The following LMBR1 variants were observed in gnomAD, a reference collection of about 807,000 sequenced individuals.
The protein encoded by LMBR1 is limb region 1 protein homolog.
LMBR1 carries 52 observed loss-of-function variants against 73.9 expected under a neutral mutation model. That is an observed-to-expected ratio of 0.70 (90% CI 0.56 to 0.89). LMBR1 has a LOEUF of 0.89. Ranked by LOEUF, LMBR1 falls within the 40% of genes least tolerant of loss-of-function variation. The probability of loss-of-function intolerance (pLI) is 0.00; values close to 1 mark genes in which losing one functional copy is unlikely to be tolerated. For synonymous variants in LMBR1, 215 were observed against 209.4 expected, an observed-to-expected ratio of 1.03 and a Z score of -0.23; for missense variants, 539 against 579.8, an observed-to-expected ratio of 0.93 and a Z score of 0.72.
At chr7:156,756,353 G>C in intron 9 of LMBR1, 40 bp downstream of exon 9, 1 of 972,130 alleles carries the variant, frequency 1.0e-6, no homozygotes, top group Non-Finnish European at 1.6e-6. Flanking sequence ...AAATTAAAAA[G>C]ATTTTTTTAT....
chr7:156,776,050 T>C (rs978175503), intron 5 of LMBR1, among the ~76,000 whole-genome samples: 15 of 148,918 alleles, frequency 1.0e-4, no homozygotes, highest in Non-Finnish European at 2.2e-4. Context: ...TATATATATA[T>C]GAGTTATATA....
At chr7:156,738,927 T>A (rs1818389212) in intron 9 of LMBR1, among the ~76,000 whole-genome samples, 2 of 152,130 alleles carry the variant, frequency 1.3e-5, no homozygotes, top group Admixed American at 1.3e-4. Flanking sequence ...AAAGACTCCT[T>A]CTGCTTGAGA....
At chr7:156,746,043 A>G (rs1392727842) in intron 9 of LMBR1, among the ~76,000 whole-genome samples, 1 of 152,242 alleles carries the variant, frequency 6.6e-6, no homozygotes, top group East Asian at 1.9e-4. Context: ...ATTAAGTTAC[A>G]TAACGAATGA....
rs189033027 is a variant in LMBR1 at position 156,685,345 on chromosome 7, C to T, written c.1388-1182G>A. On this transcript the variant is annotated intron_variant, in intron 16 of 16. Transcript: ENST00000353442. This position sits in a 1 kb window ranked among gnomAD's most constrained non-coding sequence, Gnocchi z 4.1. ...TGAAACACAATGACATACAGCAACA[C>T]AGTCAGGTGTTGCCGAACAACAGGA... 4.3e-4 allele frequency among the ~76,000 whole-genome samples: 66 copies of T among 152,334 alleles called. No individual in the cohort carries two copies. Among genetic ancestry groups the T allele is most frequent in the African/African-American group, 1.6e-3 (65 of 41,564 alleles).
intron 4 of LMBR1, among the ~76,000 whole-genome samples, chr7:156,807,406 T>C (rs539295376): frequency 6.6e-6 from 1 of 151,114 alleles, no homozygotes; most frequent in South Asian, 2.1e-4. Flanking sequence ...TTGAGAAGGC[T>C]TTAATAGTTT....
At chr7:156,672,253 C>T (rs750496963) in intron 4 of LMBR1, among the ~76,000 whole-genome samples, 9 of 152,236 alleles carry the variant, frequency 5.9e-5, no homozygotes, top group African/African-American at 1.4e-4. Context: ...ATGGTCGGTG[C>T]GTGTACTGAG....
chr7:156,784,619 C>T (rs867494556), intron 5 of LMBR1, among the ~76,000 whole-genome samples: 14 of 152,252 alleles, frequency 9.2e-5, no homozygotes, highest in Non-Finnish European at 1.6e-4. Context: ...ACTTGAGGAG[C>T]GCAGACAATC....
In LMBR1 at chr7:156,763,753, G is replaced by T. The variant is rs1180731210; in HGVS notation, c.466C>A (p.Leu156Ile). 1.2e-6 allele frequency: 2 copies of T among 1,604,624 alleles called. No homozygotes were observed. Among genetic ancestry groups the T allele is most frequent in the African/African-American group, 2.7e-5 (2 of 74,368 alleles). ...RILETLVMLL[L>I]LALLILGIVW... is the part of the protein sequence containing the mutation. ...ATCCCAAGAATGAGTAACGCAAGAA[G>T]AAGAAGCATGACCAAAGTCTCTAAA... The change falls in exon 6 of 17, where the codon CTT becomes ATT. Residue 156 changes from leucine (L) to isoleucine (I), a missense_variant. Leu to Ile is a conservative substitution (Grantham distance 5). This residue lies in a region of LMBR1 where 454 missense variants were observed against 473.4 expected (regional missense o/e 0.96). Coordinates refer to ENST00000353442, the MANE Select transcript of LMBR1 (RefSeq NM_022458.4).
chr7:156,798,618 T>C (rs1401814231), intron 4 of LMBR1, among the ~76,000 whole-genome samples: 1 of 152,182 alleles, frequency 6.6e-6, no homozygotes, highest in Non-Finnish European at 1.5e-5. Context: ...CTCAACAGCA[T>C]TTTCTCTTCT....
intron 15 of LMBR1, among the ~76,000 whole-genome samples, chr7:156,706,255 C>T (rs953755564): frequency 6.6e-6 from 1 of 150,952 alleles, no homozygotes; most frequent in East Asian, 1.9e-4. Flanking sequence ...ATGCAGCCAA[C>T]AGCACCAAGA....
chr7:156,715,085 G>A (rs1812931490), intron 15 of LMBR1, among the ~76,000 whole-genome samples: 1 of 151,558 alleles, frequency 6.6e-6, no homozygotes, highest in South Asian at 2.1e-4. Context: ...CCAAGTAGCT[G>A]GGATTACAGG....
chr7:156,870,542 G>A (rs1279990658), intron 1 of LMBR1, among the ~76,000 whole-genome samples: 1 of 152,146 alleles, frequency 6.6e-6, no homozygotes, highest in Non-Finnish European at 1.5e-5. Context: ...AGGGCAGGTG[G>A]ATCATGAGGT....
chr7:156,862,672 T>A (rs1043925803), intron 1 of LMBR1, among the ~76,000 whole-genome samples: 1 of 152,118 alleles, frequency 6.6e-6, no homozygotes, highest in Admixed American at 6.5e-5. Flanking sequence ...AGTGGGAAAT[T>A]TCTGTAAAAA....
chr7:156,891,421 CACAA>C (rs1802965286), intron 1 of LMBR1, among the ~76,000 whole-genome samples: 1 of 151,044 alleles, frequency 6.6e-6, no homozygotes. Flanking sequence ...GGAGAAATTT[CACAA>C]ACATTGTACA....
At chr7:156,860,423 C>G (rs1797570211) in intron 1 of LMBR1, among the ~76,000 whole-genome samples, 1 of 152,170 alleles carries the variant, frequency 6.6e-6, no homozygotes, top group Admixed American at 6.5e-5. Flanking sequence ...CCCACTGGGT[C>G]CCTCCCATGA....
chr7:156,818,478 A>T (rs1834271748), intron 4 of LMBR1, among the ~76,000 whole-genome samples: 2 of 152,226 alleles, frequency 1.3e-5, no homozygotes, highest in Admixed American at 6.5e-5. Flanking sequence ...TCAAAAACTG[A>T]AGAATTATTT....
intron 5 of LMBR1, among the ~76,000 whole-genome samples, chr7:156,780,822 C>T (rs1460430745): frequency 1.3e-5 from 2 of 152,182 alleles, no homozygotes; most frequent in African/African-American, 4.8e-5. Context: ...CTGTGCTTTC[C>T]ACCCCTACCC....
intron 15 of LMBR1, among the ~76,000 whole-genome samples, chr7:156,719,138 C>G (rs1001029142): frequency 7.4e-6 from 1 of 134,874 alleles, no homozygotes; most frequent in Non-Finnish European, 1.6e-5. Flanking sequence ...CCCCTCCCCC[C>G]ACCCCACAAC....
intron 16 of LMBR1, among the ~76,000 whole-genome samples, chr7:156,686,501 T>C (rs1278083711): frequency 1.3e-5 from 2 of 152,224 alleles, no homozygotes; most frequent in East Asian, 3.8e-4. Context: ...ACTCTTTTTC[T>C]ATGTATAAAT....
Sources: gnomAD v4.1 joint callset for allele counts (sites outside exome capture counted in the v4.1 genomes callset) on GRCh38, gnomAD v4.1.1 for gene constraint, gnomAD v4.1.1 regional missense constraint, Gnocchi (gnomAD v3.1) non-coding constraint, MANE v1.5 for transcripts, NCBI Gene and HGNC (gene_info 2026-07-23, HGNC 2026-07-21) for gene names.